The following TNFRSF8 variants were observed in gnomAD, a reference collection of about 807,000 sequenced individuals.
The protein encoded by TNFRSF8 is tumor necrosis factor receptor superfamily member 8.
Under a neutral mutation model 70.8 loss-of-function variants are expected in TNFRSF8, and 26 were observed. That is an observed-to-expected ratio of 0.37 (90% CI 0.27 to 0.51). The LOEUF (loss-of-function observed/expected upper bound fraction) is 0.51. Ranked by LOEUF, TNFRSF8 falls within the 20% of genes least tolerant of loss-of-function variation. TNFRSF8 has a pLI of 0.94. For synonymous variants in TNFRSF8, 356 were observed against 339.2 expected, an observed-to-expected ratio of 1.05 and a Z score of -0.54; for missense variants, 720 against 807.9, an observed-to-expected ratio of 0.89 and a Z score of 1.32.
intron 2 of TNFRSF8, among the ~76,000 whole-genome samples, chr1:12,092,754 T>G (rs1641267075): frequency 6.6e-6 from 1 of 151,930 alleles, no homozygotes; most frequent in African/African-American, 2.4e-5. Flanking sequence ...GTGATCCGCC[T>G]GCCTCGACCT....
rs370495948 is a variant in TNFRSF8 at position 12,109,548 on chromosome 1, C to T, written c.422-18C>T. ...GTCCCCAACACTGATTCTGAAGGCACTGCTGTCCCCCCTGCAGGCACGGCG... is the reference window on the plus strand; with the variant it reads ...GTCCCCAACACTGATTCTGAAGGCATTGCTGTCCCCCCTGCAGGCACGGCG... On this transcript the variant is annotated intron_variant, in intron 4 of 14. Transcript: ENST00000263932. This position sits in a 1 kb window ranked among gnomAD's most constrained non-coding sequence, Gnocchi z 4.4. The T allele has an allele frequency of 3.9e-5, 63 of 1,610,450 alleles. No homozygotes were observed. In the Middle Eastern group the frequency reaches 5.0e-4, roughly 13 times the overall value.
intron 12 of TNFRSF8, among the ~76,000 whole-genome samples, chr1:12,127,971 C>A (rs620894): frequency 0.44 from 67,337 of 152,006 alleles, 15,563 homozygotes; most frequent in Admixed American, 0.58. Flanking sequence ...TCTGGTGGGA[C>A]CTTGGGGTCT....
At chr1:12,073,797 T>C (rs1640890845) in intron 1 of TNFRSF8, among the ~76,000 whole-genome samples, 2 of 152,056 alleles carry the variant, frequency 1.3e-5, no homozygotes, top group African/African-American at 4.8e-5. Context: ...GGTTTCACCA[T>C]GTTGGCCAAG....
In TNFRSF8 at chr1:12,112,810, G is replaced by T. The variant is rs11569888; in HGVS notation, c.793+796G>T. On this transcript the variant is annotated intron_variant, in intron 7 of 14. Transcript: ENST00000263932. This position sits in a 1 kb window ranked among gnomAD's most constrained non-coding sequence, Gnocchi z 5.3. ...CCCAGCGCCAGCAGCACCCCGAGGGGCATGTGGGCAGGGGGTGTTGCTCAG... is the reference window on the plus strand; with the variant it reads ...CCCAGCGCCAGCAGCACCCCGAGGGTCATGTGGGCAGGGGGTGTTGCTCAG... Among the ~76,000 whole-genome samples, 10,338 of 152,256 alleles carry T rather than the reference G, an allele frequency of 0.068. 433 individuals are homozygous for T. Among genetic ancestry groups the T allele is most frequent in the East Asian group, 0.096 (499 of 5,182 alleles).
rs182865510 is a variant in TNFRSF8 at position 12,066,329 on chromosome 1, G to A, written c.63+2668G>A. ...ATTTTAAAAAAAAAATCCCAAATTA[G>A]GGCTTGAATTTCCTTGAGTTTAAAA... On this transcript the variant is annotated intron_variant, in intron 1 of 14. Transcript: ENST00000263932. 2.6e-5 allele frequency among the ~76,000 whole-genome samples: 4 copies of A among 151,768 alleles called. No individual in the cohort carries two copies. The East Asian group carries it at 7.7e-4, about 29-fold the overall frequency.
Position 12,107,822 on chromosome 1 carries a change from C to A in TNFRSF8, c.422-1744C>A, listed in dbSNP as rs114481787. Reference sequence around the variant, plus strand: ...TCTGCCTCCAGTCAGCCAAGCCCCACGCTAAGAGCCTTCACTGGCTGTCTC... The same window carrying A: ...TCTGCCTCCAGTCAGCCAAGCCCCAAGCTAAGAGCCTTCACTGGCTGTCTC... On this transcript the variant is annotated intron_variant, in intron 4 of 14. Transcript: ENST00000263932. Among the ~76,000 whole-genome samples, 892 of 152,232 alleles carry A rather than the reference C, an allele frequency of 5.9e-3. 6 individuals are homozygous for A. The highest frequency in any genetic ancestry group is 0.02 in the African/African-American group (844 of 41,516).
intron 1 of TNFRSF8, among the ~76,000 whole-genome samples, chr1:12,066,318 A>G (rs1640740383): frequency 6.6e-6 from 1 of 151,308 alleles, no homozygotes; most frequent in Admixed American, 6.6e-5. Flanking sequence ...TAAAAAAAAA[A>G]TCCCAAATTA....
rs928541066 is a variant in TNFRSF8, at chr1:12,094,018, C to G, written c.152-3083C>G. On this transcript the variant is annotated intron_variant, in intron 2 of 14. Coordinates refer to ENST00000263932, the MANE Select transcript of TNFRSF8 (RefSeq NM_001243.5). ...AGGTTGCAGTGAGCTGAGATCCTGC[C>G]ACTGCACTCCAGCCTGAGCAACAGA... 3.4e-5 allele frequency among the ~76,000 whole-genome samples: 5 copies of G among 147,052 alleles called. No homozygotes were observed. In the South Asian group the frequency reaches 8.5e-4, roughly 25 times the overall value.
rs534658253 is a variant in TNFRSF8 at position 12,141,779 on chromosome 1, G to T, written c.1544-508G>T. ...AAAGGGCCACCAGGCGGAGTGGGTG[G>T]TTTTTTTTTGGGGGATTTCTCCTAA... On this transcript the variant is annotated intron_variant, in intron 14 of 14. Coordinates refer to ENST00000263932, the MANE Select transcript of TNFRSF8 (RefSeq NM_001243.5). This position sits in a 1 kb window ranked among gnomAD's most constrained non-coding sequence, Gnocchi z 5.4. Among the ~76,000 whole-genome samples, 2 of 151,972 alleles carry T rather than the reference G, an allele frequency of 1.3e-5. No individual in the cohort carries two copies. Among genetic ancestry groups the T allele is most frequent in the East Asian group, 3.9e-4 (2 of 5,170 alleles).
intron 2 of TNFRSF8, among the ~76,000 whole-genome samples, chr1:12,086,766 A>G (rs2100971422): frequency 6.6e-6 from 1 of 152,018 alleles, no homozygotes; most frequent in South Asian, 2.1e-4. Context: ...CAGTCTTCTC[A>G]TGGTGGGAAG....
chr1:12,076,977 T>G (rs979145453), intron 1 of TNFRSF8, among the ~76,000 whole-genome samples: 5 of 152,214 alleles, frequency 3.3e-5, no homozygotes, highest in African/African-American at 1.2e-4. Flanking sequence ...GGTCTCACCC[T>G]GTCACCCAGG....
chr1:12,136,492 T>C (rs1156618480), intron 13 of TNFRSF8, among the ~76,000 whole-genome samples: 2 of 151,934 alleles, frequency 1.3e-5, no homozygotes, highest in African/African-American at 4.8e-5. Flanking sequence ...CTACTAAAAC[T>C]ACAAAAAGTA....
At chr1:12,087,251 T>G (rs1487458752) in intron 2 of TNFRSF8, among the ~76,000 whole-genome samples, 3 of 144,710 alleles carry the variant, frequency 2.1e-5, no homozygotes, top group Non-Finnish European at 4.5e-5. Flanking sequence ...CACTGGAACC[T>G]CCGCCTCCTA....
intron 3 of TNFRSF8, 59 bp downstream of exon 3, chr1:12,097,276 G>A: frequency 1.5e-6 from 2 of 1,304,354 alleles, no homozygotes; most frequent in Non-Finnish European, 2.2e-6. Flanking sequence ...GGTCCTCAGA[G>A]GAGAGGTGAA....
At chr1:12,123,146 C>A (rs780872398) in intron 8 of TNFRSF8, 138 bp from the exon 9 acceptor site, 21 of 694,378 alleles carry the variant, frequency 3.0e-5, no homozygotes, top group Non-Finnish European at 4.7e-5. Flanking sequence ...CCACTTTGAT[C>A]TTTTGAAACA....
intron 12 of TNFRSF8, among the ~76,000 whole-genome samples, chr1:12,128,783 A>G (rs138272719): frequency 0.011 from 1,665 of 150,262 alleles, 41 homozygotes; most frequent in African/African-American, 0.04. Context: ...AGACATTGCC[A>G]TGTGGCCCCT....
chr1:12,085,306 C>T (rs911830395), intron 2 of TNFRSF8, among the ~76,000 whole-genome samples: 9 of 152,090 alleles, frequency 5.9e-5, no homozygotes, highest in Admixed American at 1.3e-4. Flanking sequence ...GACAGGGTTT[C>T]GCCATATTGG....
Position 12,109,393 on chromosome 1 carries a change from T to C in TNFRSF8, c.422-173T>C, listed in dbSNP as rs11569871. Among the ~76,000 whole-genome samples, 7 of 152,240 alleles carry C rather than the reference T, an allele frequency of 4.6e-5. No homozygotes were observed. The South Asian group carries it at 1.5e-3, about 32-fold the overall frequency. The stretch of plus-strand genomic sequence containing the variant: ...GGGAGAGTAATTCCCCAGGGAAAGA[T>C]AGGCTGCTTTACTCTGAAGGGGAAC... On this transcript the variant is annotated intron_variant, in intron 4 of 14. Coordinates refer to ENST00000263932, the MANE Select transcript of TNFRSF8 (RefSeq NM_001243.5). This position sits in a 1 kb window ranked among gnomAD's most constrained non-coding sequence, Gnocchi z 4.4.
chr1:12,133,281 C>G (rs561326256), intron 12 of TNFRSF8, among the ~76,000 whole-genome samples: 4 of 151,806 alleles, frequency 2.6e-5, no homozygotes, highest in Admixed American at 6.6e-5. Context: ...CCTTCAAGGC[C>G]GAGTTGTGTC....
Sources: allele counts gnomAD v4.1 joint callset (sites outside exome capture counted in the v4.1 genomes callset), GRCh38; gene constraint gnomAD v4.1.1; non-coding constraint Gnocchi (gnomAD v3.1); transcripts MANE v1.5; gene names NCBI Gene and HGNC (gene_info 2026-07-23, HGNC 2026-07-21).